ITGA8: variants seen among roughly 807,000 people sequenced by gnomAD.
ITGA8 encodes the protein integrin subunit alpha 8.
ITGA8 carries 91 observed loss-of-function variants against 142.3 expected under a neutral mutation model. That is an observed-to-expected ratio of 0.64 (90% CI 0.54 to 0.76). The LOEUF (loss-of-function observed/expected upper bound fraction) is 0.76. Ranked by LOEUF, ITGA8 falls within the 30% of genes least tolerant of loss-of-function variation. The pLI, the probability that ITGA8 is intolerant of heterozygous loss-of-function variation, is 0.00. For synonymous variants in ITGA8, 505 were observed against 485.2 expected, an observed-to-expected ratio of 1.04 and a Z score of -0.54; for missense variants, 1,406 against 1,327.7, an observed-to-expected ratio of 1.06 and a Z score of -0.92.
At chr10:15,699,846 C>T (rs966432932) in intron 2 of ITGA8, among the ~76,000 whole-genome samples, 3 of 152,118 alleles carry the variant, frequency 2.0e-5, no homozygotes, top group African/African-American at 7.2e-5. Context: ...TAAATATTTT[C>T]CAGTCTAGAT....
chr10:15,586,304 T>C (rs772317343), intron 23 of ITGA8, among the ~76,000 whole-genome samples: 1 of 151,994 alleles, frequency 6.6e-6, no homozygotes, highest in Non-Finnish European at 1.5e-5. Flanking sequence ...GGTGATCTGC[T>C]CACTTTGGCC....
At chr10:15,600,093 A>G (rs761120611) in intron 20 of ITGA8, among the ~76,000 whole-genome samples, 4 of 152,266 alleles carry the variant, frequency 2.6e-5, no homozygotes, top group Admixed American at 6.5e-5. Context: ...GGCTGTTATA[A>G]GAATGAAATA....
At chr10:15,651,865 A>G (rs1450758276) in intron 11 of ITGA8, among the ~76,000 whole-genome samples, 1 of 152,172 alleles carries the variant, frequency 6.6e-6, no homozygotes, top group African/African-American at 2.4e-5. Flanking sequence ...AATCTCAATT[A>G]CTTCCAGAGC....
At chr10:15,668,846 T>G (rs904240810) in intron 8 of ITGA8, among the ~76,000 whole-genome samples, 1 of 152,188 alleles carries the variant, frequency 6.6e-6, no homozygotes, top group African/African-American at 2.4e-5. Flanking sequence ...TGACTATTGG[T>G]CCCCACTCTC....
At chr10:15,551,867 G>C (rs1320922677) in intron 26 of ITGA8, among the ~76,000 whole-genome samples, 1 of 152,158 alleles carries the variant, frequency 6.6e-6, no homozygotes, top group African/African-American at 2.4e-5. Context: ...ACCAGTAAGA[G>C]AGAAAGAGAG....
chr10:15,672,668 T>TGAA lies in ITGA8; in HGVS notation c.757_758insTTC (p.Lys253delinsIleGln), dbSNP rs1834547108. 6.2e-7 allele frequency: 1 copy of TGAA among 1,613,684 alleles called. No homozygotes were observed. Among genetic ancestry groups the TGAA allele is most frequent in the Non-Finnish European group, 8.5e-7 (1 of 1,179,834 alleles). On this transcript the variant is annotated protein_altering_variant, in exon 7 of 30. Transcript: ENST00000378076. ...GGAAGCTGGAGCCACTTCCGTCTGC[T>TGAA]TTTCTCCTGCCAGTTTCCTGAGGAT... is the stretch of plus-strand genomic sequence containing the variant.
intron 23 of ITGA8, among the ~76,000 whole-genome samples, chr10:15,575,894 T>A (rs2131583867): frequency 6.6e-6 from 1 of 152,042 alleles, no homozygotes; most frequent in East Asian, 1.9e-4. Flanking sequence ...ATAACCAAAC[T>A]TATACATATA....
intron 23 of ITGA8, among the ~76,000 whole-genome samples, 179 bp from the exon 24 acceptor site, chr10:15,575,773 G>A (rs1834279041): frequency 6.6e-6 from 1 of 152,212 alleles, no homozygotes; most frequent in African/African-American, 2.4e-5. Context: ...TGACAGTGAA[G>A]GATCTGAAAC....
intron 13 of ITGA8, among the ~76,000 whole-genome samples, chr10:15,643,727 GGT>G (rs1177655929): frequency 1.3e-5 from 2 of 152,184 alleles, no homozygotes; most frequent in Non-Finnish European, 2.9e-5. Flanking sequence ...TGCAAGCCGC[GGT>G]ATTGAGGAGT....
intron 26 of ITGA8, among the ~76,000 whole-genome samples, chr10:15,549,226 T>TTTTTTTTTTTTTG (rs1833746317): frequency 9.7e-6 from 1 of 103,402 alleles, no homozygotes; most frequent in Admixed American, 1.0e-4. Context: ...TTTTTTTTTT[T>TTTTTTTTTTTTTG]TGAGACAGAG....
chr10:15,629,321 G>T (rs2131632136), intron 13 of ITGA8, among the ~76,000 whole-genome samples: 1 of 152,032 alleles, frequency 6.6e-6, no homozygotes, highest in Middle Eastern at 3.4e-3. Flanking sequence ...CACTCTAGGG[G>T]GTTTCTGTTA....
intron 11 of ITGA8, among the ~76,000 whole-genome samples, chr10:15,647,876 A>C (rs1834016309): frequency 6.6e-6 from 1 of 152,208 alleles, no homozygotes; most frequent in Non-Finnish European, 1.5e-5. Context: ...GCTGGCTAGA[A>C]AGGTAGCAAA....
At chr10:15,598,666 A>G (rs567954456) in intron 20 of ITGA8, among the ~76,000 whole-genome samples, 4 of 152,322 alleles carry the variant, frequency 2.6e-5, no homozygotes, top group Non-Finnish European at 5.9e-5. Flanking sequence ...TGTAAAAGAG[A>G]AGGCTACAAT....
intron 27 of ITGA8, among the ~76,000 whole-genome samples, chr10:15,533,390 C>T (rs59816404): frequency 0.2 from 30,145 of 152,056 alleles, 4,036 homozygotes; most frequent in African/African-American, 0.38. Context: ...AACTAAAAGT[C>T]GGAGTTTTGT....
intron 8 of ITGA8, among the ~76,000 whole-genome samples, chr10:15,661,725 G>C (rs990966033): frequency 6.6e-6 from 1 of 152,126 alleles, no homozygotes; most frequent in Non-Finnish European, 1.5e-5. Context: ...GAATGGGTGC[G>C]AAGCAGAGAG....
chr10:15,520,934 A>C (rs1051932187), intron 28 of ITGA8, among the ~76,000 whole-genome samples: 4 of 152,184 alleles, frequency 2.6e-5, no homozygotes, highest in Non-Finnish European at 5.9e-5. Flanking sequence ...CCCTAGCAGG[A>C]AATGTATTGG....
At chr10:15,620,312 C>CACAA (rs1833465924) in intron 13 of ITGA8, among the ~76,000 whole-genome samples, 1 of 18,416 alleles carries the variant, frequency 5.4e-5, no homozygotes, top group African/African-American at 9.4e-5. Context: ...TTGAGATACA[C>CACAA]ACACACACAC....
At chr10:15,537,743 A>G (rs7075597) in intron 27 of ITGA8, among the ~76,000 whole-genome samples, 4,921 of 152,272 alleles carry the variant, frequency 0.032, 206 homozygotes, top group East Asian at 0.18. Context: ...CTCAAAAGTA[A>G]CAGGAGGAAT....
chr10:15,618,009 G>A (rs1833425120), intron 13 of ITGA8, among the ~76,000 whole-genome samples: 1 of 152,180 alleles, frequency 6.6e-6, no homozygotes, highest in Admixed American at 6.5e-5. Context: ...TCACTTATAA[G>A]TGGGAGCTAA....
Sources: gnomAD v4.1 joint callset for allele counts (sites outside exome capture counted in the v4.1 genomes callset) on GRCh38, gnomAD v4.1.1 for gene constraint, MANE v1.5 for transcripts, NCBI Gene and HGNC (gene_info 2026-07-23, HGNC 2026-07-21) for gene names.